ERBB4: variants seen among roughly 807,000 people sequenced by gnomAD.
ERBB4 encodes erb-b2 receptor tyrosine kinase 4, also known as receptor tyrosine-protein kinase erbB-4.
In ERBB4, 42 loss-of-function variants were observed where a neutral mutation model predicts 158.0. The ratio of observed to expected loss-of-function variants is 0.27; its 90% CI spans 0.21 to 0.34. ERBB4 has a LOEUF of 0.34. Among genes scored for constraint, ERBB4 ranks in the 10% least tolerant of loss-of-function variants. The pLI, the probability that ERBB4 is intolerant of heterozygous loss-of-function variation, is 1.00. For missense variants in ERBB4, 1,333 were observed against 1,624.1 expected, an observed-to-expected ratio of 0.82 and a Z score of 3.08; for synonymous variants, 583 against 558.7, an observed-to-expected ratio of 1.04 and a Z score of -0.61.
chr2:211,885,211 T>A (rs1026418022), intron 3 of ERBB4, among the ~76,000 whole-genome samples: 7 of 152,184 alleles, frequency 4.6e-5, no homozygotes, highest in African/African-American at 1.7e-4. Flanking sequence ...AATTATAATT[T>A]GTTATGACAA....
At chr2:211,540,102 G>A (rs977523080) in intron 20 of ERBB4, among the ~76,000 whole-genome samples, 5 of 151,554 alleles carry the variant, frequency 3.3e-5, no homozygotes, top group African/African-American at 4.8e-5. Flanking sequence ...TGTAAACAAT[G>A]AAAGGCCATT....
chr2:212,298,609 C>T (rs999280686), intron 1 of ERBB4, among the ~76,000 whole-genome samples: 1 of 151,664 alleles, frequency 6.6e-6, no homozygotes, highest in Non-Finnish European at 1.5e-5. Context: ...GAACTCACTA[C>T]CTCTCATGTC....
At chr2:212,013,309 T>C (rs1264935117) in intron 2 of ERBB4, among the ~76,000 whole-genome samples, 1 of 152,098 alleles carries the variant, frequency 6.6e-6, no homozygotes, top group African/African-American at 2.4e-5. Flanking sequence ...ATTATGCACC[T>C]TTGAGGAGGT....
intron 5 of ERBB4, among the ~76,000 whole-genome samples, chr2:211,732,465 A>C (rs946427679): frequency 6.6e-6 from 1 of 152,146 alleles, no homozygotes; most frequent in African/African-American, 2.4e-5. Flanking sequence ...AAATACGACT[A>C]ATTTTCTTTT....
chr2:211,446,058 G>C (rs531335218), intron 20 of ERBB4, among the ~76,000 whole-genome samples: 1 of 152,282 alleles, frequency 6.6e-6, no homozygotes, highest in East Asian at 1.9e-4. Flanking sequence ...TTTCATACCA[G>C]TATTTTTCTT....
At chr2:212,516,121 A>G (rs913388544) in intron 1 of ERBB4, among the ~76,000 whole-genome samples, 2 of 151,974 alleles carry the variant, frequency 1.3e-5, no homozygotes, top group African/African-American at 2.4e-5. Flanking sequence ...TGTAAGTAGT[A>G]CTATAGACAC....
At chr2:212,388,769 GA>G (rs1266617462) in intron 1 of ERBB4, among the ~76,000 whole-genome samples, 1 of 152,066 alleles carries the variant, frequency 6.6e-6, no homozygotes, top group Non-Finnish European at 1.5e-5. Flanking sequence ...CAATGCCTAA[GA>G]ATTAACAGAC....
intron 12 of ERBB4, among the ~76,000 whole-genome samples, chr2:211,688,689 T>G (rs553239644): frequency 3.9e-5 from 6 of 152,268 alleles, no homozygotes; most frequent in African/African-American, 9.6e-5. Context: ...ACAGACAAAA[T>G]TTTTCACATA....
rs574478430 is a variant in ERBB4, at chr2:212,424,634, T to C, written c.82+113815A>G. Among the ~76,000 whole-genome samples, 62 of 152,280 alleles carry C rather than the reference T, an allele frequency of 4.1e-4. 1 individual carries two copies. Among genetic ancestry groups the C allele is most frequent in the Admixed American group, 3.9e-3 (59 of 15,276 alleles). On this transcript the variant is annotated intron_variant, in intron 1 of 27. Coordinates refer to ENST00000342788, the MANE Select transcript of ERBB4 (RefSeq NM_005235.3). ...TTGATGTCTTACTGGAGCAATGAAT[T>C]GACCTCTAATAACAGCTATAGCTCA...
At chr2:211,519,848 G>C (rs1209387479) in intron 20 of ERBB4, among the ~76,000 whole-genome samples, 3 of 152,090 alleles carry the variant, frequency 2.0e-5, no homozygotes, top group African/African-American at 7.2e-5. Flanking sequence ...CAAAAACACT[G>C]TTATCGAAAA....
intron 19 of ERBB4, among the ~76,000 whole-genome samples, chr2:211,601,817 G>A (rs748047662): frequency 6.6e-6 from 1 of 151,858 alleles, no homozygotes; most frequent in African/African-American, 2.4e-5. Context: ...AGGTGGGATG[G>A]AGGGAGGGAG....
intron 4 of ERBB4, among the ~76,000 whole-genome samples, 153 bp from the exon 5 acceptor site, chr2:211,750,857 G>T (rs1209264399): frequency 1.3e-5 from 2 of 152,164 alleles, no homozygotes; most frequent in East Asian, 1.9e-4. Flanking sequence ...GCCCACTTAA[G>T]TAGGAAAACC....
At chr2:212,400,833 A>T (rs1399087646) in intron 1 of ERBB4, among the ~76,000 whole-genome samples, 1 of 152,168 alleles carries the variant, frequency 6.6e-6, no homozygotes, top group Non-Finnish European at 1.5e-5. Flanking sequence ...TAACTCTTGA[A>T]AGATAAACTG....
At chr2:212,117,230 T>C (rs748842068) in intron 2 of ERBB4, among the ~76,000 whole-genome samples, 1 of 152,222 alleles carries the variant, frequency 6.6e-6, no homozygotes, top group Admixed American at 6.5e-5. Context: ...ATCATGTTAA[T>C]GCAGTATCTA....
In ERBB4 at chr2:212,034,322, G is replaced by T. The variant is rs2076966837; in HGVS notation, c.235-86706C>A. Among the ~76,000 whole-genome samples, 2 of 151,748 alleles carry T rather than the reference G, an allele frequency of 1.3e-5. 1 individual carries two copies. The highest frequency in any genetic ancestry group is 4.1e-4 in the South Asian group (2 of 4,826). ...CTTTTGACTATTAAATTACTCTAAT[G>T]GACAAAATATATAAAAAGGAAATAA... On this transcript the variant is annotated intron_variant, in intron 2 of 27. Coordinates refer to ENST00000342788, the MANE Select transcript of ERBB4 (RefSeq NM_005235.3).
chr2:211,591,645 A>G (rs2068468005), intron 19 of ERBB4, among the ~76,000 whole-genome samples: 2 of 152,206 alleles, frequency 1.3e-5, no homozygotes, highest in African/African-American at 4.8e-5. Context: ...TTATAGCACT[A>G]ACTGCACTAG....
intron 2 of ERBB4, among the ~76,000 whole-genome samples, chr2:211,987,541 G>C (rs746427643): frequency 1.3e-5 from 2 of 151,780 alleles, no homozygotes; most frequent in Non-Finnish European, 2.9e-5. Context: ...AATGAAGGAA[G>C]GGAGGAGGGT....
intron 1 of ERBB4, among the ~76,000 whole-genome samples, chr2:212,249,074 G>A (rs2030474): frequency 0.77 from 116,839 of 151,922 alleles, 45,265 homozygotes; most frequent in Non-Finnish European, 0.81. Context: ...ATTTTAACAG[G>A]AACTAGACCA....
At chr2:211,520,385 G>A (rs1488014723) in intron 20 of ERBB4, among the ~76,000 whole-genome samples, 4 of 152,092 alleles carry the variant, frequency 2.6e-5, no homozygotes, top group African/African-American at 9.7e-5. Flanking sequence ...ATTCAATAAA[G>A]AAGAGATTAT....
Sources: gnomAD v4.1 joint callset for allele counts (sites outside exome capture counted in the v4.1 genomes callset) on GRCh38, gnomAD v4.1.1 for gene constraint, MANE v1.5 for transcripts, NCBI Gene and HGNC (gene_info 2026-07-23, HGNC 2026-07-21) for gene names.